Variants in KIF21A observed in about 807,000 individuals in gnomAD.
KIF21A encodes the protein kinesin-like protein KIF21A.
KIF21A carries 114 observed loss-of-function variants against 202.9 expected under a neutral mutation model. The observed-to-expected ratio is 0.56, with a 90% CI of 0.48 to 0.66. The LOEUF (loss-of-function observed/expected upper bound fraction) is 0.66. Ranked by LOEUF, KIF21A falls within the 30% of genes least tolerant of loss-of-function variation. The pLI is 0.00. For missense variants in KIF21A, 1,677 were observed against 1,994.9 expected, an observed-to-expected ratio of 0.84 and a Z score of 3.04; for synonymous variants, 667 against 670.8, an observed-to-expected ratio of 0.99 and a Z score of 0.09.
chr12:39,375,182 G>A (rs1220089923), intron 1 of KIF21A, among the ~76,000 whole-genome samples: 1 of 152,040 alleles, frequency 6.6e-6, no homozygotes, highest in Non-Finnish European at 1.5e-5. Context: ...ATTTAAATGA[G>A]CCAAGAAGAC....
chr12:39,392,718 C>T (rs1951459345), intron 1 of KIF21A, among the ~76,000 whole-genome samples: 3 of 151,150 alleles, frequency 2.0e-5, no homozygotes, highest in African/African-American at 2.4e-5. Flanking sequence ...GCACTGTGCA[C>T]TCATATGTTC....
intron 1 of KIF21A, among the ~76,000 whole-genome samples, chr12:39,413,803 C>A (rs1953311827): frequency 6.6e-6 from 1 of 152,016 alleles, no homozygotes; most frequent in Non-Finnish European, 1.5e-5. Context: ...AAAATGTATT[C>A]AGGTAGCCTC....
chr12:39,352,076 C>A, intron 10 of KIF21A, 96 bp from the exon 11 acceptor site: 1 of 911,626 alleles, frequency 1.1e-6, no homozygotes. Flanking sequence ...CTTAAGTGTA[C>A]AGCTCTGTAG....
At chr12:39,303,567 T>C (rs1592030783) in intron 35 of KIF21A, among the ~76,000 whole-genome samples, 1 of 152,240 alleles carries the variant, frequency 6.6e-6, no homozygotes, top group Non-Finnish European at 1.5e-5. Context: ...GTGCCCTTTT[T>C]TTCACACTAC....
intron 37 of KIF21A, among the ~76,000 whole-genome samples, chr12:39,297,593 G>T (rs1415128034): frequency 7.8e-5 from 11 of 141,306 alleles, no homozygotes; most frequent in East Asian, 2.4e-4. Flanking sequence ...GTTGTGGGGT[G>T]GGGGGGTGGG....
At chr12:39,314,267 A>C (rs532349581) in intron 31 of KIF21A, among the ~76,000 whole-genome samples, 59 of 151,956 alleles carry the variant, frequency 3.9e-4, no homozygotes, top group African/African-American at 1.4e-3. Context: ...ATTTGCATAC[A>C]TGTGTCAATT....
In KIF21A at chr12:39,294,434, G is replaced by A. The variant is rs777563049; in HGVS notation, c.5015C>T (p.Ala1672Val). 1.9e-6 allele frequency: 3 copies of A among 1,609,738 alleles called. No individual in the cohort carries two copies. The South Asian group carries it at 3.3e-5, about 18-fold the overall frequency. ...TATCTTCATTCATGTTTAATTACTG[G>A]CAATATCTTCCCCCAGATCTCCTGT... is the stretch of plus-strand genomic sequence containing the variant. The part of the protein sequence containing the change: ...SDTGDLGEDI[A>V]SN Residue 1672 changes from alanine (A) to valine (V), a missense_variant, in exon 38 of 38, where the codon GCC becomes GTC. Physicochemically the swap from Ala to Val is moderately conservative, Grantham distance 64. Around this residue, in one of 3 missense-constraint regions of KIF21A, gnomAD observed 705 missense variants for 791.9 expected, o/e 0.89. Transcript: ENST00000361418.
chr12:39,341,371 G>T, intron 14 of KIF21A, 134 bp downstream of exon 14: 1 of 826,988 alleles, frequency 1.2e-6, no homozygotes, highest in Non-Finnish European at 1.9e-6. Context: ...CATAAGCCTT[G>T]GAAGGCAAAT....
intron 22 of KIF21A, 108 bp from the exon 23 acceptor site, chr12:39,331,019 A>G: frequency 8.9e-7 from 1 of 1,122,112 alleles, no homozygotes; most frequent in Admixed American, 1.8e-5. Flanking sequence ...GACATCAGAT[A>G]GACCTCGAGT....
intron 6 of KIF21A, among the ~76,000 whole-genome samples, chr12:39,365,185 T>C (rs535576378): frequency 5.2e-4 from 79 of 152,322 alleles, no homozygotes; most frequent in Non-Finnish European, 5.4e-4. Flanking sequence ...CACCAAATTA[T>C]ACTTTAAAAA....
chr12:39,375,483 T>C lies in KIF21A; in HGVS notation c.45-5222A>G, dbSNP rs181470878. Among the ~76,000 whole-genome samples the C allele has an allele frequency of 2.3e-3, 357 of 152,286 alleles. 9 individuals carry two copies. The highest frequency in any genetic ancestry group is 0.023 in the Admixed American group (349 of 15,276). On this transcript the variant is annotated intron_variant, in intron 1 of 37. Coordinates refer to ENST00000361418, the MANE Select transcript of KIF21A (RefSeq NM_001173464.2). Reference sequence around the variant, plus strand: ...AGCAAACTTTAAGGATAAGGTAATGTCTTCATGACAGACCTGGCTTGCTTC... The same window carrying C: ...AGCAAACTTTAAGGATAAGGTAATGCCTTCATGACAGACCTGGCTTGCTTC...
chr12:39,353,061 A>G (rs571228320), intron 10 of KIF21A, among the ~76,000 whole-genome samples: 1 of 152,286 alleles, frequency 6.6e-6, no homozygotes, highest in African/African-American at 2.4e-5. Context: ...TCTCAACACT[A>G]TATTACTAAG....
intron 1 of KIF21A, among the ~76,000 whole-genome samples, chr12:39,377,452 G>A (rs1950338114): frequency 6.6e-6 from 1 of 152,030 alleles, no homozygotes; most frequent in South Asian, 2.1e-4. Context: ...ATTCCAGTTA[G>A]TAGATACCAC....
At chr12:39,306,731 T>C (rs1320449909) in intron 34 of KIF21A, among the ~76,000 whole-genome samples, 2 of 152,116 alleles carry the variant, frequency 1.3e-5, no homozygotes, top group Admixed American at 6.5e-5. Flanking sequence ...TCTAAGAAGG[T>C]AGATCTAGGT....
intron 24 of KIF21A, among the ~76,000 whole-genome samples, chr12:39,327,993 C>A (rs913204255): frequency 1.3e-5 from 2 of 152,102 alleles, no homozygotes; most frequent in Admixed American, 6.6e-5. Context: ...TAAAGTTATT[C>A]TTTTAAAAAG....
chr12:39,435,882 G>A (rs1938617290), intron 1 of KIF21A, among the ~76,000 whole-genome samples: 1 of 152,202 alleles, frequency 6.6e-6, no homozygotes, highest in Admixed American at 6.5e-5. Flanking sequence ...TTCTGTGGTT[G>A]TTGTGAAAGC....
chr12:39,332,437 A>G (rs1445697402), intron 20 of KIF21A, 29 bp from the exon 21 acceptor site: 4 of 1,608,032 alleles, frequency 2.5e-6, no homozygotes, highest in Non-Finnish European at 3.4e-6. Context: ...GGATTTTAAG[A>G]AATTATGTTC....
chr12:39,442,156 T>C lies in KIF21A; in HGVS notation c.44+771A>G, dbSNP rs542101833. Among the ~76,000 whole-genome samples the C allele has an allele frequency of 6.4e-4, 97 of 152,282 alleles. No individual in the cohort carries two copies. The highest frequency in any genetic ancestry group is 3.4e-3 in the Middle Eastern group (1 of 294). On this transcript the variant is annotated intron_variant, in intron 1 of 37. Transcript: ENST00000361418. The surrounding 1 kb of genome is among the most constrained non-coding windows in gnomAD (Gnocchi z 5.0). ...GTATTTCCAGACTCACACCCTGGCC[T>C]GGGTAACGTTACGATTACATTGTAT... is the stretch of plus-strand genomic sequence containing the variant.
At chr12:39,389,180 A>T (rs1269813355) in intron 1 of KIF21A, among the ~76,000 whole-genome samples, 1 of 74,380 alleles carries the variant, frequency 1.3e-5, no homozygotes, top group Non-Finnish European at 2.3e-5. Context: ...AAATACACAT[A>T]CACACACACA....
Sources: gnomAD v4.1 joint callset for allele counts (sites outside exome capture counted in the v4.1 genomes callset) on GRCh38, gnomAD v4.1.1 for gene constraint, gnomAD v4.1.1 regional missense constraint, Gnocchi (gnomAD v3.1) non-coding constraint, MANE v1.5 for transcripts, NCBI Gene and HGNC (gene_info 2026-07-23, HGNC 2026-07-21) for gene names.